The following MTREX variants were observed in gnomAD, a reference collection of about 807,000 sequenced individuals.
MTREX encodes Mtr4 exosome RNA helicase, also known as exosome RNA helicase MTR4.
A neutral mutation model predicts 135.4 loss-of-function variants in MTREX; 76 were observed. That is an observed-to-expected ratio of 0.56 (90% CI 0.47 to 0.68). The LOEUF (loss-of-function observed/expected upper bound fraction) is 0.68. Among genes scored for constraint, MTREX ranks in the 30% least tolerant of loss-of-function variants. The probability of loss-of-function intolerance (pLI) is 0.00; values close to 1 mark genes in which losing one functional copy is unlikely to be tolerated. For missense variants in MTREX, 920 were observed against 1,262.1 expected, an observed-to-expected ratio of 0.73 and a Z score of 4.11; for synonymous variants, 404 against 401.6, an observed-to-expected ratio of 1.01 and a Z score of -0.07.
chr5:55,414,133 G>C (rs774628566), intron 23 of MTREX, 49 bp from the exon 24 acceptor site: 2 of 1,368,412 alleles, frequency 1.5e-6, no homozygotes, highest in Admixed American at 2.5e-5. Context: ...TGAAAAACCA[G>C]TAACTTTAAA....
At position 55,316,109 on chromosome 5, in the gene MTREX, AC is replaced by A. The variant is rs1202832157; in HGVS notation, c.135-6216del. ...AGGAAGAAATTGATTCCCTAAACAG[AC>A]CAGTAGCAAGCTCCAAAATTAAATC... On this transcript the variant is annotated intron_variant, in intron 1 of 26. Coordinates refer to ENST00000230640, the MANE Select transcript of MTREX (RefSeq NM_015360.5). Among the ~76,000 whole-genome samples, 22 of 152,290 alleles carry A rather than the reference AC, an allele frequency of 1.4e-4. No individual in the cohort carries two copies. The East Asian group carries it at 4.2e-3, about 29-fold the overall frequency.
intron 19 of MTREX, among the ~76,000 whole-genome samples, chr5:55,394,811 T>C (rs1469840131): frequency 6.6e-6 from 1 of 151,962 alleles, no homozygotes. Context: ...GGCGGGCAGA[T>C]CACCTGAGGT....
intron 1 of MTREX, among the ~76,000 whole-genome samples, chr5:55,314,157 A>T (rs13182339): frequency 0.06 from 9,188 of 152,292 alleles, 496 homozygotes; most frequent in African/African-American, 0.12. Flanking sequence ...ATAGATTCCT[A>T]GAAGCGAATT....
chr5:55,341,583 G>A (rs1450306222), intron 6 of MTREX, 98 bp from the exon 7 acceptor site: 2 of 558,066 alleles, frequency 3.6e-6, no homozygotes, highest in Non-Finnish European at 6.3e-6. Context: ...ATTTAATAAA[G>A]AATATCCAAA....
rs1408350125 is a variant in MTREX at position 55,358,557 on chromosome 5, A to C, written c.1534-16A>C. On this transcript the variant is annotated splice_polypyrimidine_tract_variant and intron_variant, in intron 14 of 26. Transcript: ENST00000230640. ...GTTTTTTTCCTAAACTCTGAATTTTAACTATGTTCATTCAGATTTCTTCTG... is the reference window on the plus strand; with the variant it reads ...GTTTTTTTCCTAAACTCTGAATTTTCACTATGTTCATTCAGATTTCTTCTG... 1.3e-6 allele frequency: 2 copies of C among 1,574,016 alleles called. No homozygotes were observed. Among genetic ancestry groups the C allele is most frequent in the Middle Eastern group, 1.8e-4 (1 of 5,510 alleles).
Position 55,311,525 on chromosome 5 carries a change from G to A in MTREX, c.134+3378G>A, listed in dbSNP as rs371967408. On this transcript the variant is annotated intron_variant, in intron 1 of 26. Transcript: ENST00000230640. ...GAGAAACCAGGTCATCTATTCTGTG[G>A]AGTTTCCCACATCCTGGATTTGCTT... Among the ~76,000 whole-genome samples the A allele has an allele frequency of 1.4e-4, 22 of 152,168 alleles. No homozygotes were observed. The South Asian group carries it at 4.6e-3, about 32-fold the overall frequency.
intron 3 of MTREX, chr5:55,324,564 C>T (rs1204926410): frequency 1.3e-5 from 2 of 151,268 alleles, no homozygotes; most frequent in African/African-American, 4.9e-5. Flanking sequence ...TCTCCTGCCT[C>T]AGCCTCCTGG....
intron 1 of MTREX, among the ~76,000 whole-genome samples, chr5:55,315,384 T>C (rs1387521366): frequency 6.6e-6 from 1 of 152,228 alleles, no homozygotes; most frequent in Non-Finnish European, 1.5e-5. Flanking sequence ...TTTTGTCATG[T>C]TTTCTTCAAA....
At chr5:55,321,756 G>A (rs1035862836) in intron 1 of MTREX, among the ~76,000 whole-genome samples, 1 of 151,916 alleles carries the variant, frequency 6.6e-6, no homozygotes. Context: ...CTACAGGCAT[G>A]CGCCATCATA....
At chr5:55,421,058 T>A (rs10471415) in intron 25 of MTREX, among the ~76,000 whole-genome samples, 22,585 of 151,902 alleles carry the variant, frequency 0.15, 2,093 homozygotes, top group South Asian at 0.18. Context: ...AAAAAAAAAA[T>A]TTTGTAACAA....
rs766432922 is a variant in MTREX, at chr5:55,400,347, C to T, written c.2407C>T (p.Arg803Ter). The change falls in exon 21 of 27, where the codon CGA becomes TGA. Residue 803 changes from arginine to a stop codon, truncating the protein, a stop_gained. Coordinates refer to ENST00000230640, the MANE Select transcript of MTREX (RefSeq NM_015360.5). LOFTEE classifies it high-confidence loss of function. Reference protein sequence around the residue: ...VIQKVEAFEHRMYSHPLHNDP... With the variant: ...VIQKVEAFEH ...TCAGAAAGTAGAAGCTTTTGAGCAT[C>T]GAATGTATTCTCATCCACTTCACAA... is the stretch of plus-strand genomic sequence containing the variant. 6.2e-7 allele frequency: 1 copy of T among 1,612,662 alleles called. No homozygotes were observed.
At chr5:55,397,554 T>C (rs1412741893) in intron 20 of MTREX, 28 bp downstream of exon 20, 1 of 1,386,992 alleles carries the variant, frequency 7.2e-7, no homozygotes, top group Non-Finnish European at 1.0e-6. Context: ...AAGTTAAGTA[T>C]AAATTTTATG....
intron 14 of MTREX, among the ~76,000 whole-genome samples, chr5:55,354,373 A>G (rs1749876707): frequency 1.3e-5 from 2 of 152,206 alleles, no homozygotes; most frequent in African/African-American, 4.8e-5. Context: ...GTGAAAGGAA[A>G]GTGATGGAAC....
intron 14 of MTREX, among the ~76,000 whole-genome samples, chr5:55,356,095 C>A (rs1384306469): frequency 6.6e-6 from 1 of 152,206 alleles, no homozygotes; most frequent in African/African-American, 2.4e-5. Context: ...ACAGACAGCC[C>A]CCTGTGCCAC....
At chr5:55,405,385 C>G in intron 21 of MTREX, 40 bp from the exon 22 acceptor site, 1 of 1,509,804 alleles carries the variant, frequency 6.6e-7, no homozygotes, top group Non-Finnish European at 9.1e-7. Flanking sequence ...ACATTGTTCA[C>G]TTTATTATTG....
At chr5:55,401,418 C>T (rs2111593346) in intron 21 of MTREX, among the ~76,000 whole-genome samples, 1 of 152,222 alleles carries the variant, frequency 6.6e-6, no homozygotes, top group South Asian at 2.1e-4. Flanking sequence ...TTGTTTTTTT[C>T]TAACTTTTTG....
intron 21 of MTREX, among the ~76,000 whole-genome samples, chr5:55,402,144 A>G (rs1484657959): frequency 6.6e-6 from 1 of 152,200 alleles, no homozygotes; most frequent in Non-Finnish European, 1.5e-5. Flanking sequence ...CTTTTTGTGA[A>G]CTTACATCAT....
chr5:55,326,277 G>C (rs1040426651), intron 3 of MTREX, among the ~76,000 whole-genome samples: 11 of 152,266 alleles, frequency 7.2e-5, no homozygotes, highest in African/African-American at 2.6e-4. Context: ...GCATGTGCCT[G>C]TAATCCCAGC....
At chr5:55,378,095 C>G (rs527468940) in intron 16 of MTREX, among the ~76,000 whole-genome samples, 5 of 152,042 alleles carry the variant, frequency 3.3e-5, no homozygotes, top group African/African-American at 1.2e-4. Flanking sequence ...TTGCAGTTGT[C>G]AGTCATGTCT....
Sources: gnomAD v4.1 joint callset for allele counts (sites outside exome capture counted in the v4.1 genomes callset) on GRCh38, gnomAD v4.1.1 for gene constraint, MANE v1.5 for transcripts, NCBI Gene and HGNC (gene_info 2026-07-23, HGNC 2026-07-21) for gene names.